The following GAREM1 variants were observed in gnomAD, a reference collection of about 807,000 sequenced individuals.
The protein encoded by GAREM1 is GRB2-associated and regulator of MAPK protein 1.
Under a neutral mutation model 71.3 loss-of-function variants are expected in GAREM1, and 26 were observed. The observed-to-expected ratio is 0.36, with a 90% CI of 0.27 to 0.51. GAREM1 has a LOEUF of 0.51. Among genes scored for constraint, GAREM1 ranks in the 20% least tolerant of loss-of-function variants. The probability of loss-of-function intolerance (pLI) is 0.95; values close to 1 mark genes in which losing one functional copy is unlikely to be tolerated. For synonymous variants in GAREM1, 440 were observed against 433.2 expected (o/e 1.02, Z -0.20); for missense variants, 1,026 against 1,103.1 (o/e 0.93, Z 0.99).
chr18:32,456,084 G>T (rs2048885174), intron 1 of GAREM1, among the ~76,000 whole-genome samples: 1 of 152,078 alleles, frequency 6.6e-6, no homozygotes, highest in African/African-American at 2.4e-5. Flanking sequence ...TAGGTGTCAG[G>T]GGGACCTTTC....
chr18:32,288,350 T>A (rs2047048319), intron 3 of GAREM1, 147 bp from the exon 4 acceptor site: 1 of 614,190 alleles, frequency 1.6e-6, no homozygotes. Context: ...ATTTCTTTTA[T>A]TATACTTACG....
chr18:32,290,602 G>A lies in GAREM1; in HGVS notation c.394-2399C>T, dbSNP rs1344589092. ...AGAGGTTGCAATGAGCCAAGATTGT[G>A]CCACTGCATTGCAGCCTGGGTGACA... On this transcript the variant is annotated intron_variant, in intron 3 of 5. Coordinates refer to ENST00000269209, the MANE Select transcript of GAREM1 (RefSeq NM_001242409.2). Among the ~76,000 whole-genome samples, 4 of 145,376 alleles carry A rather than the reference G, an allele frequency of 2.8e-5. No homozygotes were observed. The Admixed American group carries it at 2.8e-4, about 10-fold the overall frequency.
At chr18:32,397,271 CATA>C (rs1452089195) in intron 1 of GAREM1, among the ~76,000 whole-genome samples, 1 of 152,144 alleles carries the variant, frequency 6.6e-6, no homozygotes, top group African/African-American at 2.4e-5. Context: ...CAGCTAACAT[CATA>C]ATGACAGGAT....
At chr18:32,303,551 C>G (rs1010813119) in intron 3 of GAREM1, among the ~76,000 whole-genome samples, 3 of 152,054 alleles carry the variant, frequency 2.0e-5, no homozygotes, top group African/African-American at 7.2e-5. Context: ...AGGGGTATTT[C>G]GAAACCACAA....
At chr18:32,413,176 T>A in intron 1 of GAREM1, 1 of 1,601,038 alleles carries the variant, frequency 6.2e-7, no homozygotes. Context: ...GACTTAGACA[T>A]GACGGCAGGG....
intron 1 of GAREM1, among the ~76,000 whole-genome samples, chr18:32,446,367 CACA>C (rs1253127426): frequency 1.3e-5 from 2 of 152,068 alleles, no homozygotes; most frequent in Admixed American, 6.6e-5. Flanking sequence ...ACTTAATCAT[CACA>C]ACAAGACAAA....
At chr18:32,331,721 A>G (rs1054504463) in intron 2 of GAREM1, 1 of 152,196 alleles carries the variant, frequency 6.6e-6, no homozygotes, top group African/African-American at 2.4e-5. Context: ...CCTGGCCTAA[A>G]TAATAAGAGG....
At chr18:32,364,544 T>C (rs2047910338) in intron 2 of GAREM1, among the ~76,000 whole-genome samples, 1 of 152,324 alleles carries the variant, frequency 6.6e-6, no homozygotes, top group African/African-American at 2.4e-5. Context: ...AAAAGTCTGT[T>C]GTGCACAGCA....
At chr18:32,443,384 C>T (rs907460709) in intron 1 of GAREM1, among the ~76,000 whole-genome samples, 2 of 152,104 alleles carry the variant, frequency 1.3e-5, no homozygotes, top group East Asian at 1.9e-4. Context: ...ATTTACAAAA[C>T]ATTTATCTGA....
At chr18:32,388,469 C>T (rs924597388) in intron 2 of GAREM1, among the ~76,000 whole-genome samples, 1 of 151,964 alleles carries the variant, frequency 6.6e-6, no homozygotes, top group Non-Finnish European at 1.5e-5. Flanking sequence ...TCTAAAAGTA[C>T]GTCCTCTCAA....
intron 2 of GAREM1, among the ~76,000 whole-genome samples, chr18:32,346,682 A>G (rs868248173): frequency 1.3e-5 from 2 of 152,036 alleles, no homozygotes; most frequent in African/African-American, 4.8e-5. Context: ...CTGAATTACT[A>G]CTCCTAGTTG....
chr18:32,457,624 G>A (rs938727364), intron 1 of GAREM1, among the ~76,000 whole-genome samples: 4 of 152,048 alleles, frequency 2.6e-5, no homozygotes, highest in African/African-American at 9.7e-5. Flanking sequence ...AGCTTCTTTG[G>A]TGTGGCACTA....
intron 4 of GAREM1, among the ~76,000 whole-genome samples, chr18:32,278,717 C>T (rs1202977115): frequency 6.6e-6 from 1 of 151,942 alleles, no homozygotes; most frequent in Non-Finnish European, 1.5e-5. Flanking sequence ...ATACAGAGTT[C>T]ATAACCCTGT....
At chr18:32,422,224 GT>G (rs941702199) in intron 1 of GAREM1, among the ~76,000 whole-genome samples, 6 of 151,912 alleles carry the variant, frequency 3.9e-5, no homozygotes, top group Non-Finnish European at 8.8e-5. Context: ...TCGCCTATGA[GT>G]GAGAACATGC....
intron 1 of GAREM1, among the ~76,000 whole-genome samples, chr18:32,461,806 T>G (rs548221593): frequency 4.6e-5 from 7 of 152,268 alleles, no homozygotes; most frequent in African/African-American, 1.7e-4. Flanking sequence ...ATAGCTGGTG[T>G]TGTTAAGATT....
intron 1 of GAREM1, among the ~76,000 whole-genome samples, chr18:32,430,594 A>AT: frequency 6.6e-6 from 1 of 152,348 alleles, no homozygotes; most frequent in Non-Finnish European, 1.5e-5. Flanking sequence ...AACCATAGAG[A>AT]GACTGCATGG....
intron 2 of GAREM1, among the ~76,000 whole-genome samples, chr18:32,334,928 T>C (rs1469151596): frequency 6.6e-6 from 1 of 152,160 alleles, no homozygotes; most frequent in Non-Finnish European, 1.5e-5. Context: ...AGGTGGCTGA[T>C]ACTACCCTCT....
intron 2 of GAREM1, among the ~76,000 whole-genome samples, chr18:32,386,741 A>G (rs943649449): frequency 1.3e-5 from 2 of 152,190 alleles, no homozygotes; most frequent in Non-Finnish European, 2.9e-5. Context: ...TAGACACTTC[A>G]TGTTCTGATC....
chr18:32,342,106 TA>T (rs2047653341), intron 2 of GAREM1, among the ~76,000 whole-genome samples: 1 of 152,226 alleles, frequency 6.6e-6, no homozygotes, highest in Non-Finnish European at 1.5e-5. Context: ...TAAAGCCTGC[TA>T]CATACCAGGC....
Sources: gnomAD v4.1 joint callset for allele counts (sites outside exome capture counted in the v4.1 genomes callset) on GRCh38, gnomAD v4.1.1 for gene constraint, MANE v1.5 for transcripts, NCBI Gene and HGNC (gene_info 2026-07-23, HGNC 2026-07-21) for gene names.